Variants in TFAP2D observed in about 807,000 individuals in gnomAD.
TFAP2D encodes the protein transcription factor AP-2-delta.
Under a neutral mutation model 43.6 loss-of-function variants are expected in TFAP2D, and 9 were observed. The ratio of observed to expected loss-of-function variants is 0.21; its 90% CI spans 0.12 to 0.36. The LOEUF (loss-of-function observed/expected upper bound fraction) is 0.36. Among genes scored for constraint, TFAP2D ranks in the 10% least tolerant of loss-of-function variants. The pLI is 1.00. For synonymous variants in TFAP2D, 256 were observed against 224.9 expected, an observed-to-expected ratio of 1.14 and a Z score of -1.24; for missense variants, 513 against 561.4, an observed-to-expected ratio of 0.91 and a Z score of 0.87.
chr6:50,727,344 C>G lies in TFAP2D; in HGVS notation c.599-1512C>G, dbSNP rs548132765. 1.7e-4 allele frequency among the ~76,000 whole-genome samples: 26 copies of G among 152,218 alleles called. No individual in the cohort carries two copies. The South Asian group carries it at 5.4e-3, about 32-fold the overall frequency. On this transcript the variant is annotated intron_variant, in intron 3 of 7. Coordinates refer to ENST00000008391, the MANE Select transcript of TFAP2D (RefSeq NM_172238.4). ...TCCCTTTGCCTTTTTAAATGTCCTC[C>G]CAGGTTCTTTTGCAACCCAGCCCAG... is the stretch of plus-strand genomic sequence containing the variant.
At chr6:50,729,118 C>T in intron 4 of TFAP2D, 76 bp from the exon 5 acceptor site, 1 of 1,601,634 alleles carries the variant, frequency 6.2e-7, no homozygotes, top group East Asian at 2.2e-5. Flanking sequence ...GTGTATTCCC[C>T]ATGTGGTCAA....
chr6:50,746,839 AG>A (rs1769131323), intron 6 of TFAP2D, among the ~76,000 whole-genome samples: 1 of 152,120 alleles, frequency 6.6e-6, no homozygotes, highest in Non-Finnish European at 1.5e-5. Flanking sequence ...GTTTGGACTT[AG>A]GATTATATTT....
At chr6:50,769,721 A>G (rs111685754) in intron 7 of TFAP2D, among the ~76,000 whole-genome samples, 2 of 152,346 alleles carry the variant, frequency 1.3e-5, no homozygotes, top group African/African-American at 2.4e-5. Context: ...GTGATTTCTC[A>G]GAGAAAAATG....
rs1769111467 is a variant in TFAP2D, at chr6:50,745,396, A to C, written c.1025+148A>C. 5 of 1,176,604 alleles carry C rather than the reference A, an allele frequency of 4.2e-6. No homozygotes were observed. In the East Asian group the frequency reaches 1.3e-4, roughly 31 times the overall value. The allele number at this position is 1,176,604 out of a possible 1,614,324, so 72.9% of individuals were successfully genotyped here. The stretch of plus-strand genomic sequence containing the variant: ...AAGCAGCTAGATATATTAAACAAGG[A>C]CTTTCTACCCTTTGGTGCCCAGGCA... On this transcript the variant is annotated intron_variant, in intron 6 of 7. Coordinates refer to ENST00000008391, the MANE Select transcript of TFAP2D (RefSeq NM_172238.4).
intron 7 of TFAP2D, among the ~76,000 whole-genome samples, chr6:50,758,172 G>A (rs1459193883): frequency 5.9e-5 from 9 of 151,640 alleles, no homozygotes; most frequent in African/African-American, 2.2e-4. Flanking sequence ...TCTTACTACT[G>A]CCTTGGGAAA....
At position 50,729,268 on chromosome 6, in the gene TFAP2D, G is replaced by A; in HGVS notation, c.839G>A (p.Arg280Lys). ...CTTGGCTTAAACTTACCAGCAGGAA[G>A]ACGGAAAGCAGCTAATGTCACCCTC... ...DRLGLNLPAG[R>K]RKAANVTLLT... The change falls in exon 5 of 8, where the codon AGA (arginine) becomes AAA (lysine). Residue 280 changes from arginine (R) to lysine (K), a missense_variant. Physicochemically the swap from Arg to Lys is conservative, Grantham distance 26. This residue lies in a region of TFAP2D where 199 missense variants were observed against 227.9 expected (regional missense o/e 0.87). Coordinates refer to ENST00000008391, the MANE Select transcript of TFAP2D (RefSeq NM_172238.4). The A allele has an allele frequency of 6.2e-7, 1 of 1,614,024 alleles. No individual in the cohort carries two copies. The highest frequency in any genetic ancestry group is 8.5e-7 in the Non-Finnish European group (1 of 1,179,872).
In TFAP2D at chr6:50,751,275, C is replaced by A. The variant is rs746436106; in HGVS notation, c.1090C>A (p.Pro364Thr). 1.2e-6 allele frequency: 2 copies of A among 1,611,654 alleles called. No individual in the cohort carries two copies. Among genetic ancestry groups the A allele is most frequent in the Non-Finnish European group, 1.7e-6 (2 of 1,178,358 alleles). Residue 364 changes from proline (P) to threonine (T), a missense_variant, in exon 7 of 8, where the codon CCC becomes ACC. Transcript: ENST00000008391. ...TAGATCACCACTGGGATCCTCCAGA[C>A]CCACTCCAATTCTAGACCTTGACAT... ...QDRSPLGSSR[P>T]TPILDLDIQR... is the part of the protein sequence containing the mutation.
chr6:50,747,476 A>C (rs943798620), intron 6 of TFAP2D, among the ~76,000 whole-genome samples: 3 of 152,112 alleles, frequency 2.0e-5, no homozygotes, highest in African/African-American at 7.2e-5. Flanking sequence ...TTTTTCCTAC[A>C]TCAAAATGAC....
intron 7 of TFAP2D, among the ~76,000 whole-genome samples, chr6:50,761,230 A>G (rs560425132): frequency 6.7e-6 from 1 of 148,236 alleles, no homozygotes; most frequent in Admixed American, 6.8e-5. Flanking sequence ...ACACACACCA[A>G]AAAAAAAAAG....
At chr6:50,746,548 C>T (rs1296353870) in intron 6 of TFAP2D, among the ~76,000 whole-genome samples, 3 of 152,108 alleles carry the variant, frequency 2.0e-5, no homozygotes, top group Non-Finnish European at 4.4e-5. Flanking sequence ...TTAGGGAAAA[C>T]TTTTTAAGAG....
chr6:50,715,193 C>T lies in TFAP2D; in HGVS notation c.117C>T (p.Ala39=), dbSNP rs764373239. Residue 39 remains alanine (A), a synonymous_variant, in exon 2 of 8, where the codon GCC becomes GCT. Transcript: ENST00000008391. ...AGTCAGTAGCCAATTCCACTGTCGC[C>T]TATTCCTCCTCCTCTCCTTTAACTT... The part of the protein sequence containing the change: ...CLESVANSTV[A]YSSSSPLTYS... 1.2e-6 allele frequency: 2 copies of T among 1,614,016 alleles called. No homozygotes were observed. The highest frequency in any genetic ancestry group is 3.3e-5 in the Admixed American group (2 of 60,018).
At chr6:50,722,980 C>G (rs761115377) in intron 3 of TFAP2D, among the ~76,000 whole-genome samples, 5 of 152,210 alleles carry the variant, frequency 3.3e-5, no homozygotes, top group Admixed American at 6.5e-5. Context: ...CGGCCATGGG[C>G]AGGCAGGAGC....
intron 5 of TFAP2D, among the ~76,000 whole-genome samples, chr6:50,733,030 C>G (rs186758408): frequency 1.6e-3 from 246 of 152,040 alleles, no homozygotes; most frequent in African/African-American, 2.9e-3. Flanking sequence ...TCCAATAATT[C>G]ACAACTTTTC....
chr6:50,761,455 A>C (rs867821108), intron 7 of TFAP2D, among the ~76,000 whole-genome samples: 2 of 152,004 alleles, frequency 1.3e-5, no homozygotes, highest in South Asian at 2.1e-4. Context: ...GGCAGACACA[A>C]CTGAGTGATC....
rs1314041234 is a variant in TFAP2D at position 50,772,947 on chromosome 6, T to A, written c.*83T>A. ...ATATATCATTGAGGGTGACTAATCT[T>A]CAGTGGACCAAATCTCTACCCTTCC... On this transcript the variant is annotated 3_prime_UTR_variant, in exon 8 of 8. Coordinates refer to ENST00000008391, the MANE Select transcript of TFAP2D (RefSeq NM_172238.4). 1.1e-5 allele frequency: 14 copies of A among 1,278,950 alleles called. No homozygotes were observed. The East Asian group carries it at 3.3e-4, about 30-fold the overall frequency. The allele number at this position is 1,278,950 out of a possible 1,614,324, so 79.2% of individuals were successfully genotyped here.
At chr6:50,715,788 G>A (rs1581755956) in intron 2 of TFAP2D, among the ~76,000 whole-genome samples, 175 bp downstream of exon 2, 1 of 146,666 alleles carries the variant, frequency 6.8e-6, no homozygotes, top group African/African-American at 2.6e-5. Context: ...CACCACTTAT[G>A]GAAAGTTATC....
chr6:50,754,124 C>T (rs1769234229), intron 7 of TFAP2D, among the ~76,000 whole-genome samples: 2 of 151,770 alleles, frequency 1.3e-5, no homozygotes, highest in South Asian at 4.1e-4. Flanking sequence ...AAACAACTCC[C>T]ATTCTTCTCC....
At chr6:50,714,402 G>T (rs1256468271) in intron 1 of TFAP2D, among the ~76,000 whole-genome samples, 2 of 151,930 alleles carry the variant, frequency 1.3e-5, no homozygotes, top group Non-Finnish European at 2.9e-5. Context: ...CGGAAAGAAA[G>T]ATTCTCAGAA....
intron 5 of TFAP2D, among the ~76,000 whole-genome samples, chr6:50,740,752 T>C (rs1581767951): frequency 6.6e-6 from 1 of 152,168 alleles, no homozygotes; most frequent in East Asian, 1.9e-4. Context: ...AAAGAAAAAT[T>C]CTTAATGACT....
Sources: allele counts gnomAD v4.1 joint callset (sites outside exome capture counted in the v4.1 genomes callset), GRCh38; gene constraint gnomAD v4.1.1; regional missense constraint gnomAD v4.1.1; transcripts MANE v1.5; gene names NCBI Gene and HGNC (gene_info 2026-07-23, HGNC 2026-07-21).